KCNIP4: variants seen among roughly 807,000 people sequenced by gnomAD.
KCNIP4 encodes potassium voltage-gated channel interacting protein 4, also known as Kv channel-interacting protein 4.
In KCNIP4, 12 loss-of-function variants were observed where a neutral mutation model predicts 34.0. The observed-to-expected ratio is 0.35, with a 90% CI of 0.23 to 0.57. The LOEUF (loss-of-function observed/expected upper bound fraction) is 0.57. Ranked by LOEUF, KCNIP4 falls within the 20% of genes least tolerant of loss-of-function variation. The pLI is 0.83. For synonymous variants in KCNIP4, 124 were observed against 102.2 expected (o/e 1.21, Z -1.29); for missense variants, 238 against 311.7 (o/e 0.76, Z 1.78).
intron 1 of KCNIP4, among the ~76,000 whole-genome samples, chr4:21,138,404 C>G (rs1751675918): frequency 6.6e-6 from 1 of 152,120 alleles, no homozygotes; most frequent in Non-Finnish European, 1.5e-5. Context: ...TGTGGTCTTT[C>G]TGTCTACAGA....
chr4:20,729,986 C>T lies in KCNIP4; in HGVS notation c.*96G>A, dbSNP rs1747559969. The T allele has an allele frequency of 2.9e-6, 4 of 1,392,294 alleles. No individual in the cohort carries two copies. The African/African-American group carries it at 5.8e-5, about 20-fold the overall frequency. 86.2% of individuals were successfully genotyped at this position (1,392,294 alleles called of 1,614,324 possible). A position where few individuals can be genotyped will look rare whatever the true frequency, so the allele number is the denominator to read the frequency against. ...TTGTTTGCATAATATGCTTCAGTGT[C>T]AAGCTGAGCAATCTATGCTAAAAGT... On this transcript the variant is annotated 3_prime_UTR_variant, in exon 9 of 9. Coordinates refer to ENST00000382152, the MANE Select transcript of KCNIP4 (RefSeq NM_025221.6).
intron 1 of KCNIP4, among the ~76,000 whole-genome samples, chr4:21,029,004 C>A (rs1740780854): frequency 1.3e-5 from 2 of 152,092 alleles, no homozygotes; most frequent in South Asian, 4.2e-4. Context: ...AATTATATTC[C>A]TTTTGTCACA....
In KCNIP4 at chr4:21,247,592, T is replaced by TATAC. The variant is rs551818480; in HGVS notation, c.62-364884_62-364883insGTAT. ...AGATATAAATACATATATATATATA[T>TATAC]ACACCACAGATGGTATATATATTTA... is the stretch of plus-strand genomic sequence containing the variant. On this transcript the variant is annotated intron_variant, in intron 1 of 8. Coordinates refer to ENST00000382152, the MANE Select transcript of KCNIP4 (RefSeq NM_025221.6). Among the ~76,000 whole-genome samples, 496 of 144,294 alleles carry TATAC rather than the reference T, an allele frequency of 3.4e-3. 4 individuals carry two copies. The highest frequency in any genetic ancestry group is 0.022 in the South Asian group (101 of 4,658). 94.7% of individuals were successfully genotyped at this position (144,294 alleles called of 152,430 possible).
chr4:21,086,352 C>A (rs929332959), intron 1 of KCNIP4, among the ~76,000 whole-genome samples: 1 of 152,172 alleles, frequency 6.6e-6, no homozygotes, highest in Non-Finnish European at 1.5e-5. Flanking sequence ...CCATCTCCAT[C>A]GTTGCATTGA....
At chr4:21,432,091 C>CAT (rs71655634) in intron 1 of KCNIP4, among the ~76,000 whole-genome samples, 389 of 36,328 alleles carry the variant, frequency 0.011, 18 homozygotes, top group Non-Finnish European at 0.013. Flanking sequence ...AAAATGGAAG[C>CAT]ATATATATAT....
chr4:21,722,688 C>T (rs893227955), intron 1 of KCNIP4, among the ~76,000 whole-genome samples: 4 of 152,062 alleles, frequency 2.6e-5, no homozygotes, highest in Admixed American at 6.6e-5. Flanking sequence ...TGGTTACTGC[C>T]GTGCTAGAGG....
At chr4:21,377,140 G>A (rs140624860) in intron 1 of KCNIP4, among the ~76,000 whole-genome samples, 116 of 152,224 alleles carry the variant, frequency 7.6e-4, no homozygotes, top group African/African-American at 2.7e-3. Context: ...ACTCGCTTAA[G>A]TAAGCTTTCC....
intron 1 of KCNIP4, among the ~76,000 whole-genome samples, chr4:21,705,316 G>A (rs1057198489): frequency 7.2e-5 from 11 of 152,236 alleles, no homozygotes; most frequent in Middle Eastern, 3.4e-3. Context: ...TGGTATCTGA[G>A]TTGTGATATT....
chr4:21,518,843 G>C (rs1351225299), intron 1 of KCNIP4, among the ~76,000 whole-genome samples: 2 of 152,240 alleles, frequency 1.3e-5, no homozygotes, highest in Non-Finnish European at 1.5e-5. Flanking sequence ...ATAGCCTGGA[G>C]CCCAACAGGA....
intron 1 of KCNIP4, among the ~76,000 whole-genome samples, chr4:21,600,522 T>C (rs148382211): frequency 1.6e-3 from 248 of 151,452 alleles, no homozygotes; most frequent in Non-Finnish European, 2.5e-3. Context: ...TATTTTGAAA[T>C]GTACAATAGA....
intron 1 of KCNIP4, among the ~76,000 whole-genome samples, chr4:21,381,025 T>G (rs1015986436): frequency 2.6e-5 from 4 of 152,200 alleles, no homozygotes; most frequent in Non-Finnish European, 5.9e-5. Flanking sequence ...AAGCTCTTGT[T>G]TATTGCTACT....
At chr4:21,745,583 AGTTAT>A (rs1039347229) in intron 1 of KCNIP4, among the ~76,000 whole-genome samples, 7 of 152,286 alleles carry the variant, frequency 4.6e-5, no homozygotes, top group African/African-American at 1.4e-4. Flanking sequence ...CTTGGAAAAT[AGTTAT>A]ATTATACAGG....
rs1736403769 is a variant in KCNIP4 at position 21,528,861 on chromosome 4, AAGGAAGGAAGG to A, written c.61+419699_61+419709del. ...GAAGGAAGGAAGGAAGGAAGGAAGG[AAGGAAGGAAGG>A]GAAATTCAATTTTGGGGGTTGTGGC... On this transcript the variant is annotated intron_variant, in intron 1 of 8. Coordinates refer to ENST00000382152, the MANE Select transcript of KCNIP4 (RefSeq NM_025221.6). 6.7e-5 allele frequency among the ~76,000 whole-genome samples: 10 copies of A among 148,276 alleles called. 1 individual carries two copies. Among genetic ancestry groups the A allele is most frequent in the African/African-American group, 1.2e-4 (5 of 40,276 alleles).
chr4:21,508,906 G>A lies in KCNIP4; in HGVS notation c.61+439665C>T, dbSNP rs548272511. Among the ~76,000 whole-genome samples, 247 of 44,706 alleles carry A rather than the reference G, an allele frequency of 5.5e-3. 2 individuals are homozygous for A. Among genetic ancestry groups the A allele is most frequent in the African/African-American group, 0.032 (233 of 7,184 alleles). The allele number at this position is 44,706 out of a possible 152,430, so 29.3% of individuals were successfully genotyped here. A position where few individuals can be genotyped will look rare whatever the true frequency, so the allele number is the denominator to read the frequency against. The stretch of plus-strand genomic sequence containing the variant: ...TATTTTATGCTGCTGTTAGTTGAGC[G>A]CTGTTACTTATAGCTAAATTTATTC... On this transcript the variant is annotated intron_variant, in intron 1 of 8. Coordinates refer to ENST00000382152, the MANE Select transcript of KCNIP4 (RefSeq NM_025221.6).
chr4:21,891,667 G>C (rs984776557), intron 1 of KCNIP4, among the ~76,000 whole-genome samples: 27 of 152,054 alleles, frequency 1.8e-4, no homozygotes, highest in Non-Finnish European at 3.5e-4. Flanking sequence ...ATCATTTTGT[G>C]TTTTTCTCAT....
At chr4:20,930,316 A>T (rs542321985) in intron 1 of KCNIP4, among the ~76,000 whole-genome samples, 1 of 152,172 alleles carries the variant, frequency 6.6e-6, no homozygotes, top group South Asian at 2.1e-4. Context: ...CATGCAGAAG[A>T]ATGAAATTGG....
intron 2 of KCNIP4, among the ~76,000 whole-genome samples, chr4:20,860,459 C>A (rs1722078235): frequency 6.6e-6 from 1 of 152,156 alleles, no homozygotes; most frequent in Non-Finnish European, 1.5e-5. Context: ...TACAACATGA[C>A]TCTTCTTTAA....
chr4:21,466,594 G>A (rs891233497), intron 1 of KCNIP4, among the ~76,000 whole-genome samples: 2 of 152,118 alleles, frequency 1.3e-5, no homozygotes, highest in Admixed American at 6.6e-5. Context: ...AAGAGAATAA[G>A]AGAGAGAATG....
In KCNIP4 at chr4:21,659,380, A is replaced by T. The variant is rs149876649; in HGVS notation, c.61+289191T>A. Among the ~76,000 whole-genome samples, 13 of 152,312 alleles carry T rather than the reference A, an allele frequency of 8.5e-5. No individual in the cohort carries two copies. The East Asian group carries it at 2.1e-3, about 25-fold the overall frequency. On this transcript the variant is annotated intron_variant, in intron 1 of 8. Coordinates refer to ENST00000382152, the MANE Select transcript of KCNIP4 (RefSeq NM_025221.6). ...TCATACTCCTGGATGAAGCTAACAG[A>T]TGCATATTCTTCAAGTGCAGTTCTG... is the stretch of plus-strand genomic sequence containing the variant.
Sources: allele counts gnomAD v4.1 joint callset (sites outside exome capture counted in the v4.1 genomes callset), GRCh38; gene constraint gnomAD v4.1.1; transcripts MANE v1.5; gene names NCBI Gene and HGNC (gene_info 2026-07-23, HGNC 2026-07-21).